Variants in AK2 observed in about 807,000 individuals in gnomAD.
The protein encoded by AK2 is adenylate kinase 2, mitochondrial.
In AK2, 15 loss-of-function variants were observed where a neutral mutation model predicts 24.6. The ratio of observed to expected loss-of-function variants is 0.61; its 90% CI spans 0.41 to 0.94. The LOEUF (loss-of-function observed/expected upper bound fraction) is 0.94. Among genes scored for constraint, AK2 ranks in the 40% least tolerant of loss-of-function variants. AK2 has a pLI of 0.00. For synonymous variants in AK2, 102 were observed against 114.0 expected (o/e 0.90, Z 0.67); for missense variants, 257 against 304.1 (o/e 0.85, Z 1.15).
chr1:33,008,502 G>A lies in AK2; in HGVS notation c.*4679C>T, dbSNP rs753162218. On this transcript the variant is annotated 3_prime_UTR_variant, in exon 6 of 6. Transcript: ENST00000672715. ...AAAATCAGTTCCGGCAGCGCTGAGTGTCCATGGAAAAGAGCTCTTATTCAG... is the reference window on the plus strand; with the variant it reads ...AAAATCAGTTCCGGCAGCGCTGAGTATCCATGGAAAAGAGCTCTTATTCAG... 3 of 454,104 alleles carry A rather than the reference G, an allele frequency of 6.6e-6. No individual in the cohort carries two copies. The highest frequency in any genetic ancestry group is 6.9e-4 in the Middle Eastern group (1 of 1,444). 28.1% of individuals were successfully genotyped at this position (454,104 alleles called of 1,614,324 possible).
chr1:33,031,899 GTTA>G (rs1348473157), intron 1 of AK2: 10 of 262,076 alleles, frequency 3.8e-5, no homozygotes, highest in Non-Finnish European at 2.3e-5. Flanking sequence ...AGGAAATAAA[GTTA>G]TTTAAATAAA....
rs574024024 is a variant in AK2 at position 33,025,026 on chromosome 1, A to G, written c.94-459T>C. Among the ~76,000 whole-genome samples, 24 of 152,166 alleles carry G rather than the reference A, an allele frequency of 1.6e-4. No homozygotes were observed. In the South Asian group the frequency reaches 2.1e-3, roughly 13 times the overall value. On this transcript the variant is annotated intron_variant, in intron 1 of 5. Coordinates refer to ENST00000672715, the MANE Select transcript of AK2 (RefSeq NM_001625.4). Reference sequence around the variant, plus strand: ...ATGGGGAAACCCCGTCTCTACTAAAAATACAAAAATTAGCTGGGTGTGGTG... The same window carrying G: ...ATGGGGAAACCCCGTCTCTACTAAAGATACAAAAATTAGCTGGGTGTGGTG...
In AK2 at chr1:33,026,283, C is replaced by T. The variant is rs778066117; in HGVS notation, c.94-1716G>A. ...GCACGATCACGGCTCACTGCAGCCA[C>T]GAACTCCCTGGGCTCAGGTGATTCT... On this transcript the variant is annotated intron_variant, in intron 1 of 5. Coordinates refer to ENST00000672715, the MANE Select transcript of AK2 (RefSeq NM_001625.4). Among the ~76,000 whole-genome samples the T allele has an allele frequency of 5.3e-5, 8 of 152,240 alleles. No homozygotes were observed. In the East Asian group the frequency reaches 1.5e-3, roughly 29 times the overall value.
In AK2 at chr1:33,021,659, C is replaced by T. The variant is rs752434366; in HGVS notation, c.264G>A (p.Glu88=). 1 of 1,614,148 alleles carries T rather than the reference C, an allele frequency of 6.2e-7. No homozygotes were observed. The highest frequency in any genetic ancestry group is 8.5e-7 in the Non-Finnish European group (1 of 1,179,982). Residue 88 remains glutamate, a synonymous_variant, in exon 3 of 6, where the codon GAG becomes GAA. Coordinates refer to ENST00000672715, the MANE Select transcript of AK2 (RefSeq NM_001625.4). ...MVVELIEKNL[E]TPLCKNGFLL... ...GAAAACCATTTTTGCACAAGGGGGTCTCCAAATTCTTCTCAATGAGCTCCA... is the reference window on the plus strand; with the variant it reads ...GAAAACCATTTTTGCACAAGGGGGTTTCCAAATTCTTCTCAATGAGCTCCA...
chr1:33,036,542 C>T (rs1028483843), intron 1 of AK2, among the ~76,000 whole-genome samples, 194 bp downstream of exon 1: 5 of 152,216 alleles, frequency 3.3e-5, no homozygotes, highest in African/African-American at 1.2e-4. Flanking sequence ...GCACTCCAAT[C>T]CTAACTCAGA....
At chr1:33,033,287 C>T (rs910175640) in intron 1 of AK2, among the ~76,000 whole-genome samples, 2 of 152,226 alleles carry the variant, frequency 1.3e-5, no homozygotes, top group East Asian at 3.9e-4. Flanking sequence ...GTCCCAGCTA[C>T]TTGGGTGGCT....
chr1:33,026,492 T>C (rs1345440266), intron 1 of AK2, among the ~76,000 whole-genome samples: 2 of 152,180 alleles, frequency 1.3e-5, no homozygotes, highest in Non-Finnish European at 2.9e-5. Context: ...CATAGCAAAA[T>C]GGAATCTAGT....
At chr1:33,018,669 T>C (rs1639344748) in intron 4 of AK2, among the ~76,000 whole-genome samples, 1 of 152,162 alleles carries the variant, frequency 6.6e-6, no homozygotes, top group African/African-American at 2.4e-5. Flanking sequence ...TACTTCCAAA[T>C]GGAGGGAATG....
chr1:33,031,636 A>T (rs1465000636), intron 1 of AK2: 2 of 455,970 alleles, frequency 4.4e-6, no homozygotes, highest in East Asian at 1.4e-4. Context: ...CTAGAGAACA[A>T]GCCATTCAAA....
chr1:33,012,890 C>A lies in AK2; in HGVS notation c.*291G>T. 3 of 1,354,580 alleles carry A rather than the reference C, an allele frequency of 2.2e-6. No individual in the cohort carries two copies. Among genetic ancestry groups the A allele is most frequent in the Non-Finnish European group, 2.9e-6 (3 of 1,032,714 alleles). The allele number at this position is 1,354,580 out of a possible 1,614,324, so 83.9% of individuals were successfully genotyped here. On this transcript the variant is annotated 3_prime_UTR_variant, in exon 6 of 6. Coordinates refer to ENST00000672715, the MANE Select transcript of AK2 (RefSeq NM_001625.4). ...TCCAGCCAGGGTGGCAGAGCGAAAC[C>A]TTGTCTCAAAACAACAACAAAAAAG...
At chr1:33,031,953 T>C (rs566968980) in intron 1 of AK2, 3 of 235,634 alleles carry the variant, frequency 1.3e-5, no homozygotes, top group East Asian at 1.1e-4. Context: ...AAACATTACA[T>C]TGATGCAAAA....
Position 33,013,240 on chromosome 1 carries a change from C to T in AK2, c.661G>A (p.Ala221Thr), listed in dbSNP as rs201817938. 127 of 1,613,684 alleles carry T rather than the reference C, an allele frequency of 7.9e-5. 1 individual carries two copies. The highest frequency in any genetic ancestry group is 1.6e-4 in the Middle Eastern group (1 of 6,084). ...DASQTPDVVF[A>T]SILAAFSKAT... is the part of the protein sequence containing the mutation. ...TTGGAGAAGGCTGCTAGGATGCTTG[C>T]GAACACGACATCGGGGGTCTGGGAT... The change falls in exon 6 of 6, where the codon GCA (alanine) becomes ACA (threonine). Residue 221 changes from alanine to threonine, a missense_variant. By Grantham distance (58) the Ala-to-Thr change is moderately conservative (BLOSUM62 0). Coordinates refer to ENST00000672715, the MANE Select transcript of AK2 (RefSeq NM_001625.4).
Position 33,012,289 on chromosome 1 carries a change from T to A in AK2, c.*892A>T, listed in dbSNP as rs1638870689. 1 of 1,533,864 alleles carries A rather than the reference T, an allele frequency of 6.5e-7. No homozygotes were observed. Among genetic ancestry groups the A allele is most frequent in the African/African-American group, 1.4e-5 (1 of 73,008 alleles). On this transcript the variant is annotated 3_prime_UTR_variant, in exon 6 of 6. Transcript: ENST00000672715. ...TGGCCTGGCTCTTTTTATGACGATA[T>A]CCTCTCCCAGTAATTTCTGTAACCT...
At chr1:33,019,307 T>G (rs1288215864) in intron 4 of AK2, among the ~76,000 whole-genome samples, 1 of 152,174 alleles carries the variant, frequency 6.6e-6, no homozygotes, top group Non-Finnish European at 1.5e-5. Context: ...GGTCTAGTAC[T>G]GTGCTATGCA....
intron 1 of AK2, among the ~76,000 whole-genome samples, chr1:33,028,924 A>G (rs1640069867): frequency 6.6e-6 from 1 of 152,194 alleles, no homozygotes; most frequent in Non-Finnish European, 1.5e-5. Flanking sequence ...ATGTAGTGGC[A>G]GAGACTGGGT....
In AK2 at chr1:33,008,227, A is replaced by G. The variant is rs778739852; in HGVS notation, c.*4954T>C. 1.2e-4 allele frequency: 54 copies of G among 453,956 alleles called. 1 individual carries two copies. The highest frequency in any genetic ancestry group is 8.1e-4 in the South Asian group (52 of 64,474). 28.1% of individuals were successfully genotyped at this position (453,956 alleles called of 1,614,324 possible). On this transcript the variant is annotated 3_prime_UTR_variant, in exon 6 of 6. Transcript: ENST00000672715. ...GAGTATCTTGGTCACTAGTGTCATCAGCACCTTTGAGGGGTAGGGATCATT... is the reference window on the plus strand; with the variant it reads ...GAGTATCTTGGTCACTAGTGTCATCGGCACCTTTGAGGGGTAGGGATCATT...
chr1:33,034,243 C>T (rs1640431429), intron 1 of AK2, among the ~76,000 whole-genome samples: 1 of 152,146 alleles, frequency 6.6e-6, no homozygotes, highest in South Asian at 2.1e-4. Flanking sequence ...ACAAAGCCTT[C>T]TCTGACCAAC....
At chr1:33,022,357 T>TA (rs1283516099) in intron 2 of AK2, among the ~76,000 whole-genome samples, 2 of 145,114 alleles carry the variant, frequency 1.4e-5, no homozygotes, top group African/African-American at 5.1e-5. Context: ...CTCACTTTTT[T>TA]TTTTTTTTTT....
At chr1:33,021,211 C>A (rs890823746) in intron 4 of AK2, among the ~76,000 whole-genome samples, 156 bp downstream of exon 4, 1 of 152,066 alleles carries the variant, frequency 6.6e-6, no homozygotes, top group African/African-American at 2.4e-5. Context: ...CTTTCCATAT[C>A]CCGATCCCAT....
Sources: allele counts gnomAD v4.1 joint callset (sites outside exome capture counted in the v4.1 genomes callset), GRCh38; gene constraint gnomAD v4.1.1; transcripts MANE v1.5; gene names NCBI Gene and HGNC (gene_info 2026-07-23, HGNC 2026-07-21).